The following ABR variants were observed in gnomAD, a reference collection of about 807,000 sequenced individuals.
The protein encoded by ABR is active breakpoint cluster region-related protein.
ABR carries 35 observed loss-of-function variants against 107.2 expected under a neutral mutation model. The ratio of observed to expected loss-of-function variants is 0.33; its 90% CI spans 0.25 to 0.43. The LOEUF (loss-of-function observed/expected upper bound fraction) is 0.43, where lower values mean the gene tolerates loss of function less well. Ranked by LOEUF, ABR falls within the 20% of genes least tolerant of loss-of-function variation. The pLI is 1.00. For synonymous variants in ABR, 498 were observed against 462.0 expected (o/e 1.08, Z -1.00); for missense variants, 815 against 1,115.2 (o/e 0.73, Z 3.83).
At position 1,010,909 on chromosome 17, in the gene ABR, G is replaced by T. The variant is rs375250462; in HGVS notation, c.2102-46C>A. ...TCAGGCAGCCTTAGCTGGGCCAGCA[G>T]CCCCGTTCCACCCCCGACCCATCCT... On this transcript the variant is annotated intron_variant, in intron 19 of 22. Coordinates refer to ENST00000302538, the MANE Select transcript of ABR (RefSeq NM_021962.5). The surrounding 1 kb of genome is among the most constrained non-coding windows in gnomAD (Gnocchi z 4.1). The T allele has an allele frequency of 6.2e-6, 10 of 1,608,180 alleles. No individual in the cohort carries two copies. The African/African-American group carries it at 1.2e-4, about 19-fold the overall frequency.
intron 6 of ABR, among the ~76,000 whole-genome samples, chr17:1,077,924 G>A (rs1017003522): frequency 4.6e-5 from 7 of 152,162 alleles, no homozygotes; most frequent in East Asian, 3.9e-4. Flanking sequence ...CCCTTGGCAC[G>A]TCTTGCCTCT....
Position 1,110,274 on chromosome 17 carries a change from G to A in ABR, c.247-9539C>T, listed in dbSNP as rs117035475. On this transcript the variant is annotated intron_variant, in intron 2 of 22. Coordinates refer to ENST00000302538, the MANE Select transcript of ABR (RefSeq NM_021962.5). Reference sequence around the variant, plus strand: ...CATACACCTCCTTCCATGGGAGGAGGAGTCCAGAGGAGGCCCTGGGAAAAG... The same window carrying A: ...CATACACCTCCTTCCATGGGAGGAGAAGTCCAGAGGAGGCCCTGGGAAAAG... Among the ~76,000 whole-genome samples the A allele has an allele frequency of 2.0e-5, 3 of 152,064 alleles. No homozygotes were observed. The East Asian group carries it at 5.9e-4, about 30-fold the overall frequency.
Position 1,050,836 on chromosome 17 carries a change from C to T in ABR, c.1562-202G>A, listed in dbSNP as rs1025737630. Among the ~76,000 whole-genome samples, 10 of 151,812 alleles carry T rather than the reference C, an allele frequency of 6.6e-5. No homozygotes were observed. The highest frequency in any genetic ancestry group is 1.3e-4 in the Admixed American group (2 of 15,248). Reference sequence around the variant, plus strand: ...CTTAGGGGCTCAGCCCTCCCCACCTCGGCTCACCCCACACTCTGCCCTTCC... The same window carrying T: ...CTTAGGGGCTCAGCCCTCCCCACCTTGGCTCACCCCACACTCTGCCCTTCC... On this transcript the variant is annotated intron_variant, in intron 14 of 22. Coordinates refer to ENST00000302538, the MANE Select transcript of ABR (RefSeq NM_021962.5). The surrounding 1 kb of genome is among the most constrained non-coding windows in gnomAD (Gnocchi z 4.6).
At chr17:1,113,610 T>G (rs907918509) in intron 2 of ABR, among the ~76,000 whole-genome samples, 1 of 152,110 alleles carries the variant, frequency 6.6e-6, no homozygotes, top group Non-Finnish European at 1.5e-5. Context: ...TAGATTCGAC[T>G]TTAAACGTCA....
intron 1 of ABR, among the ~76,000 whole-genome samples, chr17:1,169,532 A>T (rs756805614): frequency 1.8e-4 from 28 of 152,164 alleles, no homozygotes; most frequent in Admixed American, 7.9e-4. Context: ...TCCCAGCCAA[A>T]GGGGGCTCCG....
chr17:1,012,779 T>C lies in ABR; in HGVS notation c.1870A>G (p.Met624Val), dbSNP rs1389195791. 1.3e-6 allele frequency: 2 copies of C among 1,589,472 alleles called. No homozygotes were observed. The highest frequency in any genetic ancestry group is 1.1e-5 in the South Asian group (1 of 87,432). ...CTCATATCTCGGCTGGTGAATTTCA[T>C]GGAAAATTCCACTTTGATCTGGTTG... Reference protein sequence around the residue: ...EMNGIKVEFSMKFTSRDMSLK... With the variant: ...EMNGIKVEFSVKFTSRDMSLK... Residue 624 changes from methionine (M) to valine (V), a missense_variant, in exon 18 of 23, where the codon ATG (methionine) becomes GTG (valine). Physicochemically the swap from Met to Val is conservative, Grantham distance 21. This residue lies in a region of ABR where 92 missense variants were observed against 82.3 expected (regional missense o/e 1.12). Coordinates refer to ENST00000302538, the MANE Select transcript of ABR (RefSeq NM_021962.5).
At chr17:1,228,219 A>T (rs925213976) in intron 1 of ABR, 5 of 152,310 alleles carry the variant, frequency 3.3e-5, no homozygotes, top group African/African-American at 1.2e-4. Context: ...TTCTAAGAAG[A>T]AAACGAGTCC....
At chr17:1,195,156 A>T (rs1480740725) in intron 1 of ABR, among the ~76,000 whole-genome samples, 3 of 147,106 alleles carry the variant, frequency 2.0e-5, no homozygotes, top group African/African-American at 4.9e-5. Flanking sequence ...AAATACAAAA[A>T]ATTAGCCGGG....
chr17:1,015,854 G>A (rs940906601), intron 16 of ABR, among the ~76,000 whole-genome samples: 3 of 152,140 alleles, frequency 2.0e-5, no homozygotes, highest in Non-Finnish European at 4.4e-5. Flanking sequence ...TTTAGTTCGC[G>A]TATCTATAGG....
intron 1 of ABR, 131 bp from the exon 2 acceptor site, chr17:1,125,498 C>CG (rs1300980873): frequency 1.0e-5 from 10 of 977,734 alleles, no homozygotes; most frequent in East Asian, 5.9e-5. Context: ...CTGGCCCGGG[C>CG]GGGGGCTGTG....
At chr17:1,082,532 T>G (rs1451625728) in intron 5 of ABR, among the ~76,000 whole-genome samples, 2 of 152,188 alleles carry the variant, frequency 1.3e-5, no homozygotes, top group African/African-American at 4.8e-5. Context: ...CCAGGAAGGC[T>G]GGGCCTCAGG....
intron 1 of ABR, among the ~76,000 whole-genome samples, chr17:1,202,781 T>A (rs1465484788): frequency 6.6e-6 from 1 of 152,150 alleles, no homozygotes; most frequent in African/African-American, 2.4e-5. Flanking sequence ...AATGGCCCTC[T>A]TGTTTCAACA....
intron 1 of ABR, among the ~76,000 whole-genome samples, chr17:1,144,241 G>A (rs890206328): frequency 1.3e-5 from 2 of 152,130 alleles, no homozygotes; most frequent in African/African-American, 4.8e-5. Flanking sequence ...ACCTTGCCAT[G>A]ATACGACGAA....
intron 1 of ABR, among the ~76,000 whole-genome samples, chr17:1,220,061 G>T (rs1248451401): frequency 6.8e-6 from 1 of 146,870 alleles, no homozygotes; most frequent in Non-Finnish European, 1.5e-5. Context: ...GGAGGCGGAG[G>T]CGGGCGGATC....
chr17:1,124,516 C>G (rs183990490), intron 2 of ABR, among the ~76,000 whole-genome samples: 1 of 152,390 alleles, frequency 6.6e-6, no homozygotes, highest in Admixed American at 6.5e-5. Context: ...GAGCTGCGCT[C>G]AGACAGCGTC....
chr17:1,033,815 TGA>T (rs2072979850), intron 16 of ABR, among the ~76,000 whole-genome samples: 1 of 152,014 alleles, frequency 6.6e-6, no homozygotes, highest in African/African-American at 2.4e-5. Context: ...GTCCCCTAAC[TGA>T]GGCCTCAGTC....
In ABR at chr17:1,227,215, G is replaced by C. The variant is rs138853438; in HGVS notation, c.838+1578C>G. Reference sequence around the variant, plus strand: ...CCCTATGTGCTAGAGTGTCCTAAGGGAGACAGGCGACGACTCACAGAAATA... The same window carrying C: ...CCCTATGTGCTAGAGTGTCCTAAGGCAGACAGGCGACGACTCACAGAAATA... On this transcript the variant is annotated intron_variant, in intron 1 of 22. Coordinates refer to the ABR transcript ENST00000574139. Among the ~76,000 whole-genome samples, 379 of 152,304 alleles carry C rather than the reference G, an allele frequency of 2.5e-3. 2 individuals carry two copies. The highest frequency in any genetic ancestry group is 8.6e-3 in the African/African-American group (359 of 41,564).
intron 1 of ABR, among the ~76,000 whole-genome samples, chr17:1,155,753 C>G (rs1242448168): frequency 1.3e-5 from 2 of 151,924 alleles, no homozygotes; most frequent in African/African-American, 4.8e-5. Flanking sequence ...ATCACAAGGT[C>G]AGGAGTTTGA....
At chr17:1,053,438 G>A (rs972060729) in intron 14 of ABR, among the ~76,000 whole-genome samples, 3 of 151,270 alleles carry the variant, frequency 2.0e-5, no homozygotes, top group African/African-American at 7.3e-5. Flanking sequence ...GAAGGAGCTG[G>A]GGACGGCTCA....
Sources: gnomAD v4.1 joint callset for allele counts (sites outside exome capture counted in the v4.1 genomes callset) on GRCh38, gnomAD v4.1.1 for gene constraint, gnomAD v4.1.1 regional missense constraint, Gnocchi (gnomAD v3.1) non-coding constraint, MANE v1.5 for transcripts, NCBI Gene and HGNC (gene_info 2026-07-23, HGNC 2026-07-21) for gene names.